Variants in KIAA0040 observed in about 807,000 individuals in gnomAD.
KIAA0040 encodes KIAA0040.
A neutral mutation model predicts 7.2 loss-of-function variants in KIAA0040; 10 were observed. That is an observed-to-expected ratio of 1.38 (90% CI 0.85 to 2.34). The LOEUF is 2.34. KIAA0040 is among the 30% of genes most tolerant of loss of function. The pLI is 0.00. For synonymous variants in KIAA0040, 49 were observed against 40.1 expected (o/e 1.22, Z -0.84); for missense variants, 89 against 108.2 (o/e 0.82, Z 0.79).
At chr1:175,189,858 T>G (rs75460418) in intron 1 of KIAA0040, among the ~76,000 whole-genome samples, 6,200 of 149,174 alleles carry the variant, frequency 0.042, 421 homozygotes, top group African/African-American at 0.14. Flanking sequence ...TTCAAGAACT[T>G]GTTCAAGGTC....
chr1:175,191,461 A>G (rs1306904993), intron 1 of KIAA0040, among the ~76,000 whole-genome samples: 2 of 152,232 alleles, frequency 1.3e-5, no homozygotes, highest in Admixed American at 6.5e-5. Context: ...AGACAAAAGG[A>G]AAGACTTGGT....
chr1:175,186,852 A>G (rs1013931493), intron 1 of KIAA0040, among the ~76,000 whole-genome samples: 1 of 152,200 alleles, frequency 6.6e-6, no homozygotes, highest in African/African-American at 2.4e-5. Context: ...GTGGGGTGGT[A>G]TGCAAGTGTG....
intron 1 of KIAA0040, among the ~76,000 whole-genome samples, chr1:175,184,981 T>C (rs1226088670): frequency 6.6e-6 from 1 of 152,236 alleles, no homozygotes; most frequent in Non-Finnish European, 1.5e-5. Flanking sequence ...CAGGAGCTGG[T>C]GAAGAGCACT....
rs549237468 is a variant in KIAA0040 at position 175,163,157 on chromosome 1, T to C, written c.-133-2011A>G. Among the ~76,000 whole-genome samples the C allele has an allele frequency of 3.3e-5, 5 of 152,180 alleles. No homozygotes were observed. The South Asian group carries it at 1.0e-3, about 32-fold the overall frequency. On this transcript the variant is annotated intron_variant, in intron 3 of 3. Coordinates refer to ENST00000423313, the MANE Select transcript of KIAA0040 (RefSeq NM_014656.3). ...ACAGGCGTTGCTCTGTGGCCTCCTA[T>C]TCCTTTGTGTGGAATTAACCCATTT...
chr1:175,157,124 C>T lies in KIAA0040; in HGVS notation c.*3590G>A, dbSNP rs1217489413. 1 of 152,076 alleles carries T rather than the reference C, an allele frequency of 6.6e-6. No homozygotes were observed. The highest frequency in any genetic ancestry group is 1.5e-5 in the Non-Finnish European group (1 of 68,030). 9.4% of individuals were successfully genotyped at this position (152,076 alleles called of 1,614,324 possible). ...ATACACACAGTTTTTGCCCTAGTGG[C>T]TACTATAGAGGTTTTTGATCCCTCC... On this transcript the variant is annotated 3_prime_UTR_variant, in exon 4 of 4. Transcript: ENST00000423313.
rs148184244 is a variant in KIAA0040, at chr1:175,160,354, TTG to T, written c.*358_*359del. The T allele has an allele frequency of 0.012, 2,502 of 216,378 alleles. No homozygotes were observed. Among genetic ancestry groups the T allele is most frequent in the East Asian group, 0.016 (137 of 8,716 alleles). The allele number at this position is 216,378 out of a possible 1,614,324, so 13.4% of individuals were successfully genotyped here. On this transcript the variant is annotated 3_prime_UTR_variant, in exon 4 of 4. Transcript: ENST00000423313. ...TTGCCCACGTACCTGCTACCTGAAT[TTG>T]TGTGTGTGTGTGTTACGTGCATGTG...
At chr1:175,174,027 C>T (rs1379889037) in intron 2 of KIAA0040, among the ~76,000 whole-genome samples, 5 of 140,526 alleles carry the variant, frequency 3.6e-5, no homozygotes, top group Non-Finnish European at 8.0e-5. Flanking sequence ...CCCCATTCCC[C>T]GACCCCACAC....
rs561902000 is a variant in KIAA0040, at chr1:175,161,582, A to G, written c.-133-436T>C. 2.0e-5 allele frequency among the ~76,000 whole-genome samples: 3 copies of G among 152,318 alleles called. No individual in the cohort carries two copies. In the East Asian group the frequency reaches 5.8e-4, roughly 29 times the overall value. ...GGTCTGTATGTAACCTTTTATTAAC[A>G]TAACTTGCCATTTTCAAAGCTTATT... is the stretch of plus-strand genomic sequence containing the variant. On this transcript the variant is annotated intron_variant, in intron 3 of 3. Transcript: ENST00000423313.
At chr1:175,189,576 ATCATT>A (rs1196928382) in intron 1 of KIAA0040, among the ~76,000 whole-genome samples, 1 of 152,246 alleles carries the variant, frequency 6.6e-6, no homozygotes, top group East Asian at 1.9e-4. Flanking sequence ...AAGGAGACTT[ATCATT>A]ACTGCCTTAA....
At chr1:175,184,346 G>T (rs529070532) in intron 1 of KIAA0040, among the ~76,000 whole-genome samples, 1 of 152,248 alleles carries the variant, frequency 6.6e-6, no homozygotes. Flanking sequence ...TCCTCCCTGG[G>T]CATTGGCCGA....
At chr1:175,179,398 T>C (rs1217387999) in intron 1 of KIAA0040, among the ~76,000 whole-genome samples, 1 of 152,120 alleles carries the variant, frequency 6.6e-6, no homozygotes, top group Non-Finnish European at 1.5e-5. Flanking sequence ...CTCCCACCCA[T>C]GGGCTCACTG....
At chr1:175,162,890 G>T (rs1042120303) in intron 3 of KIAA0040, among the ~76,000 whole-genome samples, 5 of 152,196 alleles carry the variant, frequency 3.3e-5, no homozygotes, top group African/African-American at 1.2e-4. Flanking sequence ...CCAAAGAAAT[G>T]TTATAGGATG....
At chr1:175,171,317 G>C (rs1158658731) in intron 2 of KIAA0040, among the ~76,000 whole-genome samples, 4 of 152,252 alleles carry the variant, frequency 2.6e-5, no homozygotes, top group Admixed American at 6.5e-5. Context: ...TTTACTGCCT[G>C]TCTTCCTCCA....
chr1:175,185,939 G>A (rs778362296), intron 1 of KIAA0040, among the ~76,000 whole-genome samples: 2 of 152,190 alleles, frequency 1.3e-5, no homozygotes, highest in African/African-American at 4.8e-5. Context: ...GTAGCAAAAG[G>A]TCACATATTG....
At chr1:175,180,661 C>T (rs1344290687) in intron 1 of KIAA0040, among the ~76,000 whole-genome samples, 1 of 152,184 alleles carries the variant, frequency 6.6e-6, no homozygotes, top group Non-Finnish European at 1.5e-5. Context: ...TCCAGTGAGG[C>T]TGTCAGGACT....
chr1:175,164,867 A>G (rs1311594132), intron 3 of KIAA0040, among the ~76,000 whole-genome samples: 1 of 152,238 alleles, frequency 6.6e-6, no homozygotes, highest in Non-Finnish European at 1.5e-5. Flanking sequence ...GCATGAATTA[A>G]AAGTGAGAAC....
chr1:175,170,866 CACTAGAAGTATGACATCTAA>C (rs11269722), intron 2 of KIAA0040, among the ~76,000 whole-genome samples: 145,061 of 151,144 alleles, frequency 0.96, 69,583 homozygotes, highest in East Asian at 0.99. Flanking sequence ...GGCTTCCCGT[CACTAGAAGTATGACATCTAA>C]ACTAGAAGTA....
At chr1:175,167,070 T>C (rs1341311970) in intron 2 of KIAA0040, among the ~76,000 whole-genome samples, 1 of 152,086 alleles carries the variant, frequency 6.6e-6, no homozygotes, top group Non-Finnish European at 1.5e-5. Flanking sequence ...AGTGTAATTA[T>C]GGTGAGTGCC....
chr1:175,182,847 C>A (rs1677491537), intron 1 of KIAA0040, among the ~76,000 whole-genome samples: 1 of 152,218 alleles, frequency 6.6e-6, no homozygotes, highest in Non-Finnish European at 1.5e-5. Context: ...CAGAGCACAT[C>A]TTCAGTGCAT....
Sources: gnomAD v4.1 joint callset for allele counts (sites outside exome capture counted in the v4.1 genomes callset) on GRCh38, gnomAD v4.1.1 for gene constraint, MANE v1.5 for transcripts, NCBI Gene and HGNC (gene_info 2026-07-23, HGNC 2026-07-21) for gene names.